The following ADAMTS16 variants were observed in gnomAD, a reference collection of about 807,000 sequenced individuals.
ADAMTS16 encodes the protein ADAM metallopeptidase with thrombospondin type 1 motif 16.
ADAMTS16 carries 94 observed loss-of-function variants against 145.8 expected under a neutral mutation model. The ratio of observed to expected loss-of-function variants is 0.64; its 90% confidence interval spans 0.55 to 0.77. The LOEUF is 0.77. Ranked by LOEUF, ADAMTS16 falls within the 30% of genes least tolerant of loss-of-function variation. ADAMTS16 has a pLI of 0.00. For synonymous variants in ADAMTS16, 659 were observed against 604.3 expected (o/e 1.09, Z -1.33); for missense variants, 1,585 against 1,591.5 (o/e 1.00, Z 0.07).
At position 5,193,138 on chromosome 5, in the gene ADAMTS16, A is replaced by AGTGTGTGTGTGT. The variant is rs146798284; in HGVS notation, c.1313+1362_1313+1373dup. ...CTGAGGCCTCAGACTTGTTCAAAGCAGTGTGTGTGTGTGTGTGTGTGTGTG... is the reference window on the plus strand; with the variant it reads ...CTGAGGCCTCAGACTTGTTCAAAGCAGTGTGTGTGTGTGTGTGTGTGTGTGTGTGTGTGTGTG... On this transcript the variant is annotated intron_variant, in intron 8 of 22. Transcript: ENST00000274181. Among the ~76,000 whole-genome samples the AGTGTGTGTGTGT allele has an allele frequency of 7.1e-4, 107 of 150,694 alleles. 1 individual carries two copies. The highest frequency in any genetic ancestry group is 2.3e-3 in the African/African-American group (93 of 40,800).
intron 3 of ADAMTS16, among the ~76,000 whole-genome samples, chr5:5,164,694 T>C (rs1734821858): frequency 1.3e-5 from 2 of 152,178 alleles, no homozygotes; most frequent in Admixed American, 1.3e-4. Flanking sequence ...TCTTTTTTCT[T>C]GAGACAGAGT....
intron 18 of ADAMTS16, among the ~76,000 whole-genome samples, chr5:5,277,949 T>A (rs966680): frequency 6.6e-6 from 1 of 151,726 alleles, no homozygotes; most frequent in Non-Finnish European, 1.5e-5. Flanking sequence ...GCCACTGTCC[T>A]CCAGCCTAAG....
At chr5:5,185,937 T>C in intron 4 of ADAMTS16, 115 bp from the exon 5 acceptor site, 1 of 817,846 alleles carries the variant, frequency 1.2e-6, no homozygotes, top group East Asian at 2.4e-5. Context: ...TAAAGGTTTA[T>C]GTGGTTTTTA....
At chr5:5,161,637 C>T (rs1490166769) in intron 3 of ADAMTS16, among the ~76,000 whole-genome samples, 1 of 152,144 alleles carries the variant, frequency 6.6e-6, no homozygotes, top group African/African-American at 2.4e-5. Flanking sequence ...TCCAAATTTC[C>T]ATACTGTCTT....
At chr5:5,314,532 A>T (rs189176602) in intron 21 of ADAMTS16, among the ~76,000 whole-genome samples, 11 of 152,354 alleles carry the variant, frequency 7.2e-5, no homozygotes, top group African/African-American at 2.6e-4. Context: ...CTGGAATGAA[A>T]AGTGAATAAA....
chr5:5,209,909 A>G (rs1264969331), intron 10 of ADAMTS16, among the ~76,000 whole-genome samples: 1 of 152,194 alleles, frequency 6.6e-6, no homozygotes, highest in East Asian at 1.9e-4. Flanking sequence ...TTTATAATAA[A>G]ATCAAGAAGA....
intron 4 of ADAMTS16, among the ~76,000 whole-genome samples, chr5:5,184,881 T>A (rs1046126473): frequency 5.9e-5 from 9 of 152,106 alleles, no homozygotes; most frequent in African/African-American, 2.2e-4. Flanking sequence ...CTAAAGCCAT[T>A]TTTCCACCAG....
chr5:5,234,184 G>A (rs1418930485), intron 12 of ADAMTS16, among the ~76,000 whole-genome samples: 1 of 152,234 alleles, frequency 6.6e-6, no homozygotes, highest in Non-Finnish European at 1.5e-5. Flanking sequence ...TTACCAGTGT[G>A]TACATGCAAA....
At chr5:5,268,337 G>A (rs1230408117) in intron 18 of ADAMTS16, among the ~76,000 whole-genome samples, 3 of 152,184 alleles carry the variant, frequency 2.0e-5, no homozygotes, top group African/African-American at 4.8e-5. Flanking sequence ...TCCCCTGGGA[G>A]GACCCCAAGA....
intron 14 of ADAMTS16, 105 bp downstream of exon 14, chr5:5,237,204 C>G (rs1737134910): frequency 3.2e-6 from 4 of 1,257,296 alleles, no homozygotes; most frequent in Non-Finnish European, 4.3e-6. Context: ...ACAAGCCTTT[C>G]CCTCTAAGTT....
intron 8 of ADAMTS16, among the ~76,000 whole-genome samples, chr5:5,194,455 C>T (rs917169144): frequency 3.9e-5 from 6 of 152,144 alleles, no homozygotes; most frequent in Non-Finnish European, 2.9e-5. Context: ...CCTTCTGTCG[C>T]CTTCACTGAC....
At chr5:5,194,451 G>A (rs1331864110) in intron 8 of ADAMTS16, among the ~76,000 whole-genome samples, 1 of 152,156 alleles carries the variant, frequency 6.6e-6, no homozygotes, top group Non-Finnish European at 1.5e-5. Flanking sequence ...AGTTCCTTCT[G>A]TCGCCTTCAC....
chr5:5,151,215 CTTAT>C (rs3059259), intron 3 of ADAMTS16, among the ~76,000 whole-genome samples: 30,144 of 145,550 alleles, frequency 0.21, 3,868 homozygotes, highest in African/African-American at 0.27. Context: ...TTTCTTTTCT[CTTAT>C]TTATTTATTT....
At chr5:5,168,674 T>A (rs1734960528) in intron 3 of ADAMTS16, among the ~76,000 whole-genome samples, 1 of 34,402 alleles carries the variant, frequency 2.9e-5, no homozygotes, top group Admixed American at 6.2e-4. Context: ...TATATAATAA[T>A]TATAATTATA....
chr5:5,220,705 T>A (rs562411963), intron 10 of ADAMTS16, among the ~76,000 whole-genome samples: 14 of 152,144 alleles, frequency 9.2e-5, no homozygotes, highest in South Asian at 4.1e-4. Context: ...ACCACTGCAT[T>A]TAGTCCCCAG....
At chr5:5,158,423 T>C (rs1185734431) in intron 3 of ADAMTS16, among the ~76,000 whole-genome samples, 1 of 152,094 alleles carries the variant, frequency 6.6e-6, no homozygotes, top group African/African-American at 2.4e-5. Context: ...AGTCTCTGTA[T>C]CTACAGAGGG....
At chr5:5,218,563 A>G (rs764948912) in intron 10 of ADAMTS16, among the ~76,000 whole-genome samples, 1 of 152,248 alleles carries the variant, frequency 6.6e-6, no homozygotes, top group Non-Finnish European at 1.5e-5. Context: ...AACCAGTTCA[A>G]TAGACCCTGT....
intron 4 of ADAMTS16, among the ~76,000 whole-genome samples, chr5:5,184,026 G>A (rs570222939): frequency 6.6e-6 from 1 of 152,300 alleles, no homozygotes; most frequent in Admixed American, 6.5e-5. Context: ...GTCCCCCCTG[G>A]GGTATGCAGG....
chr5:5,232,276 T>A, intron 11 of ADAMTS16, 92 bp from the exon 12 acceptor site: 1 of 1,475,370 alleles, frequency 6.8e-7, no homozygotes, highest in East Asian at 2.3e-5. Context: ...GTTTACAAAA[T>A]TCCCCACTGC....
Sources: gnomAD v4.1 joint callset for allele counts (sites outside exome capture counted in the v4.1 genomes callset) on GRCh38, gnomAD v4.1.1 for gene constraint, MANE v1.5 for transcripts, NCBI Gene and HGNC (gene_info 2026-07-23, HGNC 2026-07-21) for gene names.